SEMA3D: variants seen among roughly 807,000 people sequenced by gnomAD.
SEMA3D encodes the protein semaphorin-3D.
In SEMA3D, 84 loss-of-function variants were observed where a neutral mutation model predicts 100.1. The observed-to-expected ratio is 0.84, with a 90% CI of 0.70 to 1.01. The LOEUF is 1.01. Ranked by LOEUF, SEMA3D falls within the 50% of genes least tolerant of loss-of-function variation. SEMA3D has a pLI of 0.00. For synonymous variants in SEMA3D, 312 were observed against 320.7 expected, an observed-to-expected ratio of 0.97 and a Z score of 0.29; for missense variants, 875 against 934.1, an observed-to-expected ratio of 0.94 and a Z score of 0.82.
At chr7:85,027,485 G>A (rs1790423310) in intron 12 of SEMA3D, among the ~76,000 whole-genome samples, 1 of 152,032 alleles carries the variant, frequency 6.6e-6, no homozygotes, top group Non-Finnish European at 1.5e-5. Flanking sequence ...AAATCTTGCA[G>A]AGGGAGAGAT....
At chr7:85,167,854 G>A (rs1790952393) in intron 1 of SEMA3D, among the ~76,000 whole-genome samples, 1 of 151,710 alleles carries the variant, frequency 6.6e-6, no homozygotes, top group Non-Finnish European at 1.5e-5. Flanking sequence ...TATTATTAAA[G>A]GTGACCACAT....
intron 5 of SEMA3D, among the ~76,000 whole-genome samples, chr7:85,074,679 C>T (rs114537088): frequency 0.018 from 2,734 of 150,926 alleles, 83 homozygotes; most frequent in African/African-American, 0.062. Flanking sequence ...AGTAGTGGTG[C>T]GATCTTGGCT....
chr7:85,065,609 T>A, intron 7 of SEMA3D, 57 bp from the exon 8 acceptor site: 1 of 1,369,414 alleles, frequency 7.3e-7, no homozygotes, highest in Non-Finnish European at 1.0e-6. Flanking sequence ...AGATGCTATT[T>A]AACATGTACA....
intron 7 of SEMA3D, among the ~76,000 whole-genome samples, chr7:85,066,915 G>C (rs549856322): frequency 0.1 from 10,939 of 107,986 alleles, 1,385 homozygotes; most frequent in African/African-American, 0.41. Context: ...CACACACACA[G>C]AGAGAGAGAG....
intron 3 of SEMA3D, among the ~76,000 whole-genome samples, chr7:85,116,289 A>G (rs1583938540): frequency 6.8e-6 from 1 of 146,820 alleles, no homozygotes; most frequent in African/African-American, 2.5e-5. Context: ...GTATACATAT[A>G]CAATTTATAT....
chr7:85,159,797 C>T (rs1790694879), intron 1 of SEMA3D: 1 of 976,248 alleles, frequency 1.0e-6, no homozygotes, highest in Admixed American at 6.2e-5. Context: ...TGACAGCAGG[C>T]TATCTAATAC....
intron 2 of SEMA3D, among the ~76,000 whole-genome samples, chr7:85,149,716 C>G (rs1422585580): frequency 6.6e-6 from 1 of 152,070 alleles, no homozygotes; most frequent in Non-Finnish European, 1.5e-5. Flanking sequence ...ATGTCAGAGG[C>G]TATTGGACTT....
chr7:85,081,028 ATTC>A (rs1289057097), intron 5 of SEMA3D, among the ~76,000 whole-genome samples: 1 of 152,160 alleles, frequency 6.6e-6, no homozygotes, highest in Non-Finnish European at 1.5e-5. Context: ...TTATTAACTA[ATTC>A]TTATTGTTCT....
intron 17 of SEMA3D, among the ~76,000 whole-genome samples, chr7:85,011,978 G>A (rs981289574): frequency 1.3e-5 from 2 of 151,506 alleles, no homozygotes; most frequent in Non-Finnish European, 3.0e-5. Flanking sequence ...GTGTGTGTGT[G>A]CATATATTTT....
At chr7:85,149,593 T>C (rs1340501837) in intron 2 of SEMA3D, among the ~76,000 whole-genome samples, 1 of 152,202 alleles carries the variant, frequency 6.6e-6, no homozygotes, top group African/African-American at 2.4e-5. Context: ...TGTGATATTA[T>C]AAATCGTAGG....
chr7:85,240,490 C>T, the SEMA3D span, among the ~76,000 whole-genome samples: 3 of 151,964 alleles, frequency 2.0e-5, no homozygotes, highest in South Asian at 2.1e-4. Context: ...AATAGTAGAG[C>T]GATGGTTACC....
At chr7:85,026,914 T>C (rs1790405976) in intron 12 of SEMA3D, among the ~76,000 whole-genome samples, 1 of 152,100 alleles carries the variant, frequency 6.6e-6, no homozygotes, top group Admixed American at 6.6e-5. Context: ...AAACCCCTGC[T>C]GTTGAGAAGA....
At chr7:85,094,820 T>G (rs1410589815) in intron 4 of SEMA3D, among the ~76,000 whole-genome samples, 1 of 151,892 alleles carries the variant, frequency 6.6e-6, no homozygotes, top group Non-Finnish European at 1.5e-5. Flanking sequence ...CGGACCAACT[T>G]TGGAATCGTT....
upstream of SEMA3D, among the ~76,000 whole-genome samples, chr7:85,190,332 CCT>C (rs1246407143): frequency 1.3e-5 from 2 of 152,094 alleles, no homozygotes; most frequent in Non-Finnish European, 1.5e-5. Context: ...ATTCAGAAAA[CCT>C]CTCTGTCTTA....
At chr7:85,108,487 G>A (rs955283716) in intron 3 of SEMA3D, among the ~76,000 whole-genome samples, 1 of 152,040 alleles carries the variant, frequency 6.6e-6, no homozygotes. Flanking sequence ...GGTGTAACAT[G>A]CATTCGAGGA....
chr7:85,178,353 G>A (rs1478501926), intron 1 of SEMA3D, among the ~76,000 whole-genome samples: 1 of 152,204 alleles, frequency 6.6e-6, no homozygotes, highest in Non-Finnish European at 1.5e-5. Context: ...GAAGATGTGA[G>A]AAAGTCTGAA....
chr7:85,203,995 A>G, the SEMA3D span, among the ~76,000 whole-genome samples: 1 of 152,134 alleles, frequency 6.6e-6, no homozygotes, highest in Non-Finnish European at 1.5e-5. Flanking sequence ...CCATGGAATG[A>G]GGGGAAGATT....
rs368153403 is a variant in SEMA3D, at chr7:85,088,734, T to C, written c.313-7155A>G. On this transcript the variant is annotated intron_variant, in intron 4 of 18. Coordinates refer to ENST00000284136, the MANE Select transcript of SEMA3D (RefSeq NM_001384900.1). The stretch of plus-strand genomic sequence containing the variant: ...GAAGTTTAATTCTCCATTTTTGTTT[T>C]GTTTTGTTTTGTTTTAGATTTTTAT... Among the ~76,000 whole-genome samples the C allele has an allele frequency of 4.6e-5, 7 of 152,258 alleles. No homozygotes were observed. The East Asian group carries it at 7.8e-4, about 17-fold the overall frequency.
the SEMA3D span, among the ~76,000 whole-genome samples, chr7:85,196,318 A>G: frequency 1.3e-5 from 2 of 151,952 alleles, no homozygotes; most frequent in South Asian, 4.2e-4. Context: ...TCTAACAGTG[A>G]AAGGAAAAAC....
Sources: gnomAD v4.1 joint callset for allele counts (sites outside exome capture counted in the v4.1 genomes callset) on GRCh38, gnomAD v4.1.1 for gene constraint, MANE v1.5 for transcripts, NCBI Gene and HGNC (gene_info 2026-07-23, HGNC 2026-07-21) for gene names.